Variants in RTEL1 observed in about 807,000 individuals in gnomAD.
RTEL1 encodes the protein regulator of telomere length.
In RTEL1, 86 loss-of-function variants were observed where a neutral mutation model predicts 162.2. That is an observed-to-expected ratio of 0.53 (90% CI 0.45 to 0.63). The LOEUF (loss-of-function observed/expected upper bound fraction) is 0.63. Among genes scored for constraint, RTEL1 ranks in the 30% least tolerant of loss-of-function variants. The probability of loss-of-function intolerance (pLI) is 0.00; values close to 1 mark genes in which losing one functional copy is unlikely to be tolerated. For missense variants in RTEL1, 1,941 were observed against 1,750.2 expected (o/e 1.11, Z -1.95); for synonymous variants, 958 against 717.9 (o/e 1.33, Z -5.35).
At chr20:63,674,910 CT>C (rs935691389) in intron 10 of RTEL1, among the ~76,000 whole-genome samples, 308 of 142,304 alleles carry the variant, frequency 2.2e-3, no homozygotes, top group Middle Eastern at 3.6e-3. Flanking sequence ...TATTTTCTTT[CT>C]TTTTTTTTTT....
At chr20:63,670,483 G>T (rs1462599380) in intron 8 of RTEL1, among the ~76,000 whole-genome samples, 1 of 152,148 alleles carries the variant, frequency 6.6e-6, no homozygotes, top group Non-Finnish European at 1.5e-5. Context: ...ATGGAAAGTC[G>T]CCCAGCATCT....
At chr20:63,672,655 T>C in intron 9 of RTEL1, 34 bp downstream of exon 9, 1 of 1,531,022 alleles carries the variant, frequency 6.5e-7, no homozygotes. Flanking sequence ...ACACCTCCTA[T>C]TGCTTCTGGC....
At chr20:63,681,529 G>A in intron 14 of RTEL1, 2 of 985,196 alleles carry the variant, frequency 2.0e-6, no homozygotes, top group Non-Finnish European at 2.4e-6. Context: ...AGCTTCATGA[G>A]TGTCCATCTG....
intron 9 of RTEL1, 27 bp from the exon 10 acceptor site, chr20:63,673,908 TCTGTG>T: frequency 6.3e-7 from 1 of 1,591,958 alleles, no homozygotes; most frequent in Non-Finnish European, 8.6e-7. Flanking sequence ...CCTGTCCTGT[TCTGTG>T]GTGATTCGGG....
chr20:63,672,475 T>C, intron 8 of RTEL1, 81 bp from the exon 9 acceptor site: 1 of 1,144,058 alleles, frequency 8.7e-7, no homozygotes, highest in South Asian at 1.3e-5. Flanking sequence ...TGATGTTCGA[T>C]GCCTGCTGCA....
At chr20:63,673,565 A>T (rs372307642) in intron 9 of RTEL1, among the ~76,000 whole-genome samples, 1 of 151,904 alleles carries the variant, frequency 6.6e-6, no homozygotes, top group East Asian at 2.0e-4. Context: ...CAGCCTCCCG[A>T]GTAGCCGGGA....
At position 63,691,771 on chromosome 20, in the gene RTEL1, G is replaced by C. The variant is rs376383608; in HGVS notation, c.2586G>C (p.Leu862=). The C allele has an allele frequency of 8.1e-6, 13 of 1,612,400 alleles. No individual in the cohort carries two copies. The South Asian group carries it at 1.1e-4, about 14-fold the overall frequency. The change falls in exon 28 of 35, where the codon CTG becomes CTC. Residue 862 remains leucine, a synonymous_variant. Coordinates refer to ENST00000360203, the MANE Select transcript of RTEL1 (RefSeq NM_001283009.2). ...QAHSCSTLSL[L]SEKRPAEEPR... ...ACAGCTGCTCCACCCTGTCCCTCCT[G>C]TCTGAGAAGAGGCCGGCAGAAGAAC...
At chr20:63,682,554 T>G (rs978945252) in intron 14 of RTEL1, 1 of 985,796 alleles carries the variant, frequency 1.0e-6, no homozygotes, top group African/African-American at 1.7e-5. Context: ...GCTGCTGCTC[T>G]AAGTAGCCGC....
chr20:63,688,459 C>T, intron 20 of RTEL1, 69 bp from the exon 21 acceptor site: 2 of 1,602,808 alleles, frequency 1.2e-6, no homozygotes, highest in Non-Finnish European at 1.7e-6. Context: ...GTGGTCACAG[C>T]TCCTGCTTGC....
Position 63,687,923 on chromosome 20 carries a change from C to T in RTEL1, c.1482-14C>T. ...TGCACTTCCCCACTGTCTGCTCCCTCTGGCCACGCTCAGCCCTTTCCCAGT... is the reference window on the plus strand; with the variant it reads ...TGCACTTCCCCACTGTCTGCTCCCTTTGGCCACGCTCAGCCCTTTCCCAGT... On this transcript the variant is annotated splice_polypyrimidine_tract_variant and intron_variant, in intron 17 of 34. Transcript: ENST00000360203. 6.2e-7 allele frequency: 1 copy of T among 1,611,714 alleles called. No homozygotes were observed. The highest frequency in any genetic ancestry group is 8.5e-7 in the Non-Finnish European group (1 of 1,179,052).
chr20:63,694,527 T>A (rs781026919), intron 31 of RTEL1, 39 bp downstream of exon 31: 4 of 1,505,240 alleles, frequency 2.7e-6, no homozygotes, highest in Non-Finnish European at 3.7e-6. Flanking sequence ...TACGACTTGG[T>A]GGGTCCCTCA....
In RTEL1 at chr20:63,668,903, G is replaced by A. The variant is rs1276294716; in HGVS notation, c.699+1350G>A. 6.6e-6 allele frequency among the ~76,000 whole-genome samples: 1 copy of A among 152,238 alleles called. No individual in the cohort carries two copies. Among genetic ancestry groups the A allele is most frequent in the African/African-American group, 2.4e-5 (1 of 41,464 alleles). ...AAGACTCCTCTAAAGCTGCAGGAGT[G>A]GAGGTGGAGATGGCCCAGCTCAGGC... is the stretch of plus-strand genomic sequence containing the variant. On this transcript the variant is annotated intron_variant, in intron 8 of 34. Coordinates refer to ENST00000360203, the MANE Select transcript of RTEL1 (RefSeq NM_001283009.2). The surrounding 1 kb of genome is among the most constrained non-coding windows in gnomAD (Gnocchi z 4.3).
chr20:63,671,635 C>T (rs535916097), intron 8 of RTEL1, among the ~76,000 whole-genome samples: 9 of 149,450 alleles, frequency 6.0e-5, no homozygotes, highest in Non-Finnish European at 1.2e-4. Context: ...GCGCCCGCCA[C>T]CACGCCTGGC....
At position 63,693,263 on chromosome 20, in the gene RTEL1, A is replaced by T; in HGVS notation, c.2972A>T (p.Gln991Leu). 6.2e-7 allele frequency: 1 copy of T among 1,611,892 alleles called. No individual in the cohort carries two copies. The highest frequency in any genetic ancestry group is 8.5e-7 in the Non-Finnish European group (1 of 1,179,422). ...AGCATTCCCCGAAGGCAGCGGGCAC[A>T]GCCGGTCCTGGACCCCACTGGTAAA... Reference protein sequence around the residue: ...EHSIPRRQRAQPVLDPTGRTA... With the variant: ...EHSIPRRQRALPVLDPTGRTA... The change falls in exon 30 of 35, where the codon CAG (glutamine) becomes CTG (leucine). Residue 991 changes from glutamine to leucine, a missense_variant. Coordinates refer to ENST00000360203, the MANE Select transcript of RTEL1 (RefSeq NM_001283009.2).
In RTEL1 at chr20:63,694,443, C is replaced by G. The variant is rs200933423; in HGVS notation, c.3064C>G (p.Leu1022Val). 179 of 1,612,044 alleles carry G rather than the reference C, an allele frequency of 1.1e-4. No homozygotes were observed. The East Asian group carries it at 3.9e-3, about 35-fold the overall frequency. ...AAQQLDPQEH[L>V]NQGRPHLSPR... ...CCAGCAGCTGGACCCCCAAGAGCAC[C>G]TGAACCAGGGCAGGCCCCACCTGTC... The change falls in exon 31 of 35, where the codon CTG becomes GTG. Residue 1022 changes from leucine (L) to valine (V), a missense_variant. Coordinates refer to ENST00000360203, the MANE Select transcript of RTEL1 (RefSeq NM_001283009.2).
At chr20:63,689,021 G>C (rs768569515) in intron 21 of RTEL1, 34 bp from the exon 22 acceptor site, 1 of 1,577,480 alleles carries the variant, frequency 6.3e-7, no homozygotes, top group Non-Finnish European at 8.7e-7. Context: ...CTGGGGGGGG[G>C]CTCCAGGCTC....
chr20:63,690,894 C>T lies in RTEL1; in HGVS notation c.2503C>T (p.Leu835=), dbSNP rs2145434652. Reference sequence around the variant, plus strand: ...TGCCCGGCAGAGGCCCAGGGGGCTGCTGGCCGCCCTGGAGCACAGCGAACA... The same window carrying T: ...TGCCCGGCAGAGGCCCAGGGGGCTGTTGGCCGCCCTGGAGCACAGCGAACA... The part of the protein sequence containing the change: ...VPARQRPRGL[L]AALEHSEQRA... The change falls in exon 27 of 35, where the codon CTG becomes TTG. Residue 835 remains leucine (L), a synonymous_variant. Coordinates refer to ENST00000360203, the MANE Select transcript of RTEL1 (RefSeq NM_001283009.2). 1 of 1,583,556 alleles carries T rather than the reference C, an allele frequency of 6.3e-7. No homozygotes were observed. The highest frequency in any genetic ancestry group is 8.6e-7 in the Non-Finnish European group (1 of 1,165,578).
In RTEL1 at chr20:63,691,830, G is replaced by C; in HGVS notation, c.2645G>C (p.Ser882Thr). 1 of 1,610,058 alleles carries C rather than the reference G, an allele frequency of 6.2e-7. No homozygotes were observed. The highest frequency in any genetic ancestry group is 1.1e-5 in the South Asian group (1 of 91,080). Reference protein sequence around the residue: ...RGGRKKIRLVSHPEEPVAGAQ... With the variant: ...RGGRKKIRLVTHPEEPVAGAQ... ...GGGAGGAAGAAGATCCGGCTGGTCA[G>C]CCACCCGGTGCGTGAGCTGTCCCTG... The change falls in exon 28 of 35, where the codon AGC (serine) becomes ACC (threonine). Residue 882 changes from serine to threonine, a missense_variant. Physicochemically the swap from Ser to Thr is moderately conservative, Grantham distance 58 (BLOSUM62 1). Coordinates refer to ENST00000360203, the MANE Select transcript of RTEL1 (RefSeq NM_001283009.2).
rs182951824 is a variant in RTEL1, at chr20:63,690,691, C to T, written c.2414-114C>T. ...CTCCCCCCAATAGCAGGGAGGACAC[C>T]CACAGGCAGGACCCCAAGTGCTGGG... On this transcript the variant is annotated intron_variant, in intron 26 of 34. Coordinates refer to ENST00000360203, the MANE Select transcript of RTEL1 (RefSeq NM_001283009.2). The T allele has an allele frequency of 3.0e-4, 372 of 1,254,406 alleles. 2 individuals carry two copies. In the African/African-American group the frequency reaches 5.2e-3, roughly 18 times the overall value. The allele number at this position is 1,254,406 out of a possible 1,614,324, so 77.7% of individuals were successfully genotyped here.
Sources: gnomAD v4.1 joint callset for allele counts (sites outside exome capture counted in the v4.1 genomes callset) on GRCh38, gnomAD v4.1.1 for gene constraint, Gnocchi (gnomAD v3.1) non-coding constraint, MANE v1.5 for transcripts, NCBI Gene and HGNC (gene_info 2026-07-23, HGNC 2026-07-21) for gene names.